BARX2: variants seen among roughly 807,000 people sequenced by gnomAD.
The protein encoded by BARX2 is homeobox protein BarH-like 2.
BARX2 carries 11 observed loss-of-function variants against 25.5 expected under a neutral mutation model. That is an observed-to-expected ratio of 0.43 (90% CI 0.27 to 0.71). BARX2 has a LOEUF of 0.71. BARX2 is among the 30% of genes least tolerant of loss of function. The probability of loss-of-function intolerance (pLI) is 0.19; values close to 1 mark genes in which losing one functional copy is unlikely to be tolerated. For synonymous variants in BARX2, 137 were observed against 149.5 expected (o/e 0.92, Z 0.61); for missense variants, 360 against 359.9 (o/e 1.00, Z 0.00).
At position 129,376,833 on chromosome 11, in the gene BARX2, A is replaced by G. The variant is rs893811407; in HGVS notation, c.187+611A>G. On this transcript the variant is annotated intron_variant, in intron 1 of 3. Coordinates refer to ENST00000281437, the MANE Select transcript of BARX2 (RefSeq NM_003658.5). The surrounding 1 kb of genome is among the most constrained non-coding windows in gnomAD (Gnocchi z 4.2). ...CGAAAAGGTCACCCTCGTTTGTCTT[A>G]AGTGACCAAAACCAGCAATGGTAAC... Among the ~76,000 whole-genome samples, 2 of 152,232 alleles carry G rather than the reference A, an allele frequency of 1.3e-5. No homozygotes were observed. Among genetic ancestry groups the G allele is most frequent in the African/African-American group, 2.4e-5 (1 of 41,466 alleles).
chr11:129,392,602 C>CT (rs1274603914), intron 1 of BARX2, among the ~76,000 whole-genome samples: 7 of 151,592 alleles, frequency 4.6e-5, no homozygotes, highest in South Asian at 4.2e-4. Context: ...TATGAATTAA[C>CT]TTTTTTTTTG....
At chr11:129,415,668 T>C (rs944453409) in intron 1 of BARX2, among the ~76,000 whole-genome samples, 2 of 151,996 alleles carry the variant, frequency 1.3e-5, no homozygotes, top group African/African-American at 4.8e-5. Context: ...GCTCAAAGAG[T>C]TGTAGGCCAA....
intron 1 of BARX2, among the ~76,000 whole-genome samples, chr11:129,380,189 C>T (rs769474726): frequency 1.3e-5 from 2 of 152,062 alleles, no homozygotes; most frequent in Non-Finnish European, 2.9e-5. Flanking sequence ...CCGGGACTAA[C>T]CCGTGCAGTC....
intron 1 of BARX2, among the ~76,000 whole-genome samples, chr11:129,430,607 A>G (rs558504455): frequency 6.6e-6 from 1 of 152,268 alleles, no homozygotes; most frequent in African/African-American, 2.4e-5. Context: ...AAAATTATAT[A>G]ACCACCACCG....
At position 129,444,606 on chromosome 11, in the gene BARX2, A is replaced by G. The variant is rs191043865; in HGVS notation, c.573+1687A>G. Among the ~76,000 whole-genome samples, 92 of 152,352 alleles carry G rather than the reference A, an allele frequency of 6.0e-4. 1 individual carries two copies. The highest frequency in any genetic ancestry group is 2.0e-3 in the African/African-American group (85 of 41,586). ...GTCAGAGAAACAAGGCCCAGGAGGT[A>G]GCTGCCGAGCATGTTATAATTAAGT... On this transcript the variant is annotated intron_variant, in intron 3 of 3. Transcript: ENST00000281437.
chr11:129,412,758 C>T (rs1432621940), intron 1 of BARX2, among the ~76,000 whole-genome samples: 30 of 152,184 alleles, frequency 2.0e-4, no homozygotes, highest in Admixed American at 2.0e-3. Flanking sequence ...GCTTCTGTCT[C>T]GGCCCTGTTG....
At chr11:129,420,263 GCTGTGAAT>G (rs1861990121) in intron 1 of BARX2, among the ~76,000 whole-genome samples, 3 of 152,164 alleles carry the variant, frequency 2.0e-5, no homozygotes, top group Non-Finnish European at 4.4e-5. Context: ...CACATCATTA[GCTGTGAAT>G]CTTGGATACA....
chr11:129,397,463 TA>T (rs1480246627), intron 1 of BARX2, among the ~76,000 whole-genome samples: 1 of 152,208 alleles, frequency 6.6e-6, no homozygotes, highest in Non-Finnish European at 1.5e-5. Context: ...ATCAAATACT[TA>T]GTATCCACCT....
chr11:129,397,289 A>T (rs1015470965), intron 1 of BARX2, among the ~76,000 whole-genome samples: 13 of 152,242 alleles, frequency 8.5e-5, no homozygotes, highest in Admixed American at 7.9e-4. Flanking sequence ...CCAAAAAAAA[A>T]AAAAAAATTC....
intron 1 of BARX2, among the ~76,000 whole-genome samples, chr11:129,384,434 C>T (rs1027923697): frequency 3.3e-5 from 5 of 152,090 alleles, no homozygotes; most frequent in African/African-American, 1.2e-4. Context: ...AACCTGCCAA[C>T]CTCCACTGCC....
At chr11:129,385,260 C>G (rs1468198542) in intron 1 of BARX2, among the ~76,000 whole-genome samples, 2 of 152,112 alleles carry the variant, frequency 1.3e-5, no homozygotes, top group Non-Finnish European at 1.5e-5. Context: ...AAGCTGCAGA[C>G]GCACATACCC....
chr11:129,432,533 CAGG>C (rs145154923), intron 1 of BARX2, among the ~76,000 whole-genome samples: 15,013 of 152,180 alleles, frequency 0.099, 772 homozygotes, highest in Middle Eastern at 0.13. Context: ...CCCCCTTTCC[CAGG>C]AGAACACCCA....
At chr11:129,399,603 C>T (rs1861756090) in intron 1 of BARX2, among the ~76,000 whole-genome samples, 1 of 152,152 alleles carries the variant, frequency 6.6e-6, no homozygotes, top group Admixed American at 6.5e-5. Flanking sequence ...TAGATAGCAG[C>T]TTTTATTGAA....
At chr11:129,442,133 T>C (rs1862268341) in intron 2 of BARX2, among the ~76,000 whole-genome samples, 1 of 152,220 alleles carries the variant, frequency 6.6e-6, no homozygotes, top group Non-Finnish European at 1.5e-5. Flanking sequence ...TTAATTGTTA[T>C]AACAATTTAG....
Position 129,376,281 on chromosome 11 carries a change from G to C in BARX2, c.187+59G>C. 6.8e-7 allele frequency: 1 copy of C among 1,472,958 alleles called. No homozygotes were observed. The highest frequency in any genetic ancestry group is 1.3e-5 in the South Asian group (1 of 78,264). The allele number at this position is 1,472,958 out of a possible 1,614,324, so 91.2% of individuals were successfully genotyped here. ...GGTAGCTTTCACGTCCGTGTAGGTGGCCTGTGCTTTGCGATCCGAGGGCGA... is the reference window on the plus strand; with the variant it reads ...GGTAGCTTTCACGTCCGTGTAGGTGCCCTGTGCTTTGCGATCCGAGGGCGA... On this transcript the variant is annotated intron_variant, in intron 1 of 3. Coordinates refer to ENST00000281437, the MANE Select transcript of BARX2 (RefSeq NM_003658.5). This position sits in a 1 kb window ranked among gnomAD's most constrained non-coding sequence, Gnocchi z 4.2.
intron 1 of BARX2, among the ~76,000 whole-genome samples, chr11:129,433,341 C>T (rs1267920155): frequency 2.6e-5 from 4 of 152,194 alleles, no homozygotes. Context: ...CTACTGGCCT[C>T]CTCACTGGTT....
rs1286531356 is a variant in BARX2, at chr11:129,430,492, G to A, written c.188-6259G>A. ...TTTTGAATTGTTTTAAATTTATTTT[G>A]TAGCAAATGTGTGTAACATTTTAAT... is the stretch of plus-strand genomic sequence containing the variant. On this transcript the variant is annotated intron_variant, in intron 1 of 3. Transcript: ENST00000281437. Among the ~76,000 whole-genome samples, 6 of 152,194 alleles carry A rather than the reference G, an allele frequency of 3.9e-5. No homozygotes were observed. The East Asian group carries it at 1.2e-3, about 29-fold the overall frequency.
At chr11:129,442,959 G>A in intron 3 of BARX2, 40 bp downstream of exon 3, 1 of 1,572,282 alleles carries the variant, frequency 6.4e-7, no homozygotes, top group South Asian at 1.1e-5. Flanking sequence ...TTCCTGATGG[G>A]AAGGACTTTT....
intron 1 of BARX2, among the ~76,000 whole-genome samples, chr11:129,422,703 CT>C (rs1296939337): frequency 8.1e-6 from 1 of 123,624 alleles, no homozygotes; most frequent in African/African-American, 3.2e-5. Flanking sequence ...GGATTTTATT[CT>C]CTTTTTTTTT....
Sources: allele counts gnomAD v4.1 joint callset (sites outside exome capture counted in the v4.1 genomes callset), GRCh38; gene constraint gnomAD v4.1.1; non-coding constraint Gnocchi (gnomAD v3.1); transcripts MANE v1.5; gene names NCBI Gene and HGNC (gene_info 2026-07-23, HGNC 2026-07-21).